The following DPP6 variants were observed in gnomAD, a reference collection of about 807,000 sequenced individuals.
DPP6 encodes the protein dipeptidyl peptidase like 6.
Under a neutral mutation model 122.6 loss-of-function variants are expected in DPP6, and 69 were observed. The ratio of observed to expected loss-of-function variants is 0.56; its 90% CI spans 0.46 to 0.69. The LOEUF is 0.69. Ranked by LOEUF, DPP6 falls within the 30% of genes least tolerant of loss-of-function variation. The pLI, the probability that DPP6 is intolerant of heterozygous loss-of-function variation, is 0.00. For missense variants in DPP6, 928 were observed against 1,116.9 expected (o/e 0.83, Z 2.41); for synonymous variants, 418 against 433.1 (o/e 0.97, Z 0.43).
intron 5 of DPP6, among the ~76,000 whole-genome samples, chr7:154,611,121 C>A (rs537850607): frequency 6.6e-6 from 1 of 152,172 alleles, no homozygotes; most frequent in Non-Finnish European, 1.5e-5. Context: ...CTAATTATAG[C>A]TGTGATGGCC....
chr7:154,670,595 A>G (rs1838495448), intron 7 of DPP6, among the ~76,000 whole-genome samples: 1 of 152,224 alleles, frequency 6.6e-6, no homozygotes, highest in Admixed American at 6.5e-5. Flanking sequence ...AAAGTCCCTC[A>G]GGTTTGAAGG....
At chr7:154,454,994 G>A (rs961886496) in intron 2 of DPP6, among the ~76,000 whole-genome samples, 1 of 152,106 alleles carries the variant, frequency 6.6e-6, no homozygotes, top group Non-Finnish European at 1.5e-5. Flanking sequence ...TGTTTCACAA[G>A]ACAAGTTTAG....
At chr7:153,798,107 G>T in the DPP6 span, among the ~76,000 whole-genome samples, 1,338 of 152,218 alleles carry the variant, frequency 8.8e-3, 24 homozygotes, top group African/African-American at 0.031. Flanking sequence ...CTCCCAAAGT[G>T]CTGGGATTAC....
At chr7:154,575,513 GGTGT>G (rs1263643930) in intron 5 of DPP6, among the ~76,000 whole-genome samples, 2 of 138,962 alleles carry the variant, frequency 1.4e-5, no homozygotes, top group East Asian at 2.4e-4. Flanking sequence ...GTGTGTGTGT[GGTGT>G]GTGTATGTGC....
chr7:154,886,898 G>A (rs114667118), intron 22 of DPP6, among the ~76,000 whole-genome samples: 1,947 of 152,348 alleles, frequency 0.013, 39 homozygotes, highest in African/African-American at 0.044. Context: ...ATTTTAACTC[G>A]TACAGGAACT....
intron 16 of DPP6, among the ~76,000 whole-genome samples, chr7:154,840,242 T>C (rs1801411233): frequency 6.6e-6 from 1 of 152,200 alleles, no homozygotes; most frequent in Admixed American, 6.5e-5. Flanking sequence ...TGGAAGTCGC[T>C]ACCCTCAGGA....
At chr7:154,575,684 GGTGTGTGTA>G (rs1341308929) in intron 5 of DPP6, among the ~76,000 whole-genome samples, 5 of 141,552 alleles carry the variant, frequency 3.5e-5, no homozygotes, top group African/African-American at 1.3e-4. Flanking sequence ...TGGTGTGTGT[GGTGTGTGTA>G]TGTGGTGTTT....
chr7:153,888,705 CTTTTTTTT>C (rs142238331), intron 1 of DPP6, among the ~76,000 whole-genome samples: 10 of 76,984 alleles, frequency 1.3e-4, no homozygotes, highest in African/African-American at 5.0e-4. Flanking sequence ...CTGGCTGGCA[CTTTTTTTT>C]TTTTTTTTTT....
rs1028715125 is a variant in DPP6, at chr7:154,666,731, G to A, written c.681-2629G>A. Reference sequence around the variant, plus strand: ...CTATTCAGCCTTAAAAAAGAAGGATGTACCGTCATTTATTCAACCACATAT... The same window carrying A: ...CTATTCAGCCTTAAAAAAGAAGGATATACCGTCATTTATTCAACCACATAT... On this transcript the variant is annotated intron_variant, in intron 6 of 25. Coordinates refer to ENST00000377770, the MANE Select transcript of DPP6 (RefSeq NM_130797.4). Among the ~76,000 whole-genome samples, 4 of 152,214 alleles carry A rather than the reference G, an allele frequency of 2.6e-5. No individual in the cohort carries two copies. The South Asian group carries it at 8.3e-4, about 32-fold the overall frequency.
intron 6 of DPP6, among the ~76,000 whole-genome samples, chr7:154,665,689 G>A (rs1838103695): frequency 6.6e-6 from 1 of 151,888 alleles, no homozygotes; most frequent in Non-Finnish European, 1.5e-5. Context: ...CCTTCTCAGT[G>A]GACAGACGCA....
chr7:154,604,188 T>C lies in DPP6; in HGVS notation c.628-33633T>C, dbSNP rs141773171. On this transcript the variant is annotated intron_variant, in intron 5 of 25. Coordinates refer to ENST00000377770, the MANE Select transcript of DPP6 (RefSeq NM_130797.4). ...TTTCTCCTACAATAATAGTCAACTC[T>C]TCATCATGAATGTTGCATCATTTCC... Among the ~76,000 whole-genome samples the C allele has an allele frequency of 7.2e-4, 87 of 120,940 alleles. 17 individuals are homozygous for C. Among genetic ancestry groups the C allele is most frequent in the African/African-American group, 2.0e-3 (76 of 38,066 alleles). 79.3% of individuals were successfully genotyped at this position (120,940 alleles called of 152,430 possible). A position where few individuals can be genotyped will look rare whatever the true frequency, so the allele number is the denominator to read the frequency against.
At position 154,727,792 on chromosome 7, in the gene DPP6, A is replaced by G; in HGVS notation, c.788A>G (p.Tyr263Cys). ...ATATTTATTTTTGAAAACAATATCT[A>G]CTACTGTGCACATGTCGGGAAACAG... ...QLIFIFENNI[Y>C]YCAHVGKQAI... The change falls in exon 8 of 26, where the codon TAC (tyrosine) becomes TGC (cysteine). Residue 263 changes from tyrosine (Y) to cysteine (C), a missense_variant. Coordinates refer to ENST00000377770, the MANE Select transcript of DPP6 (RefSeq NM_130797.4). 1 of 1,613,724 alleles carries G rather than the reference A, an allele frequency of 6.2e-7. No homozygotes were observed. The highest frequency in any genetic ancestry group is 8.5e-7 in the Non-Finnish European group (1 of 1,179,732).
chr7:154,703,036 A>ACAT (rs1283959235), intron 7 of DPP6, among the ~76,000 whole-genome samples: 1 of 152,230 alleles, frequency 6.6e-6, no homozygotes, highest in Non-Finnish European at 1.5e-5. Flanking sequence ...AGTGATGTTA[A>ACAT]GTCTACTCCG....
intron 1 of DPP6, among the ~76,000 whole-genome samples, chr7:153,995,721 T>C (rs1024740952): frequency 6.6e-5 from 10 of 152,134 alleles, no homozygotes; most frequent in African/African-American, 2.2e-4. Flanking sequence ...TCGGCATATA[T>C]TGGCATACAG....
intron 1 of DPP6, among the ~76,000 whole-genome samples, chr7:154,152,153 G>A (rs1222850751): frequency 5.3e-5 from 8 of 151,596 alleles, no homozygotes. Flanking sequence ...GTGAGATAAA[G>A]GGGTTGCTGG....
At chr7:153,941,408 G>T (rs924126007) in intron 1 of DPP6, among the ~76,000 whole-genome samples, 1 of 152,186 alleles carries the variant, frequency 6.6e-6, no homozygotes, top group Non-Finnish European at 1.5e-5. Flanking sequence ...GGTGATGTCT[G>T]TAATGAAGCA....
chr7:154,333,721 A>C (rs542180583), intron 1 of DPP6, among the ~76,000 whole-genome samples: 39 of 152,350 alleles, frequency 2.6e-4, no homozygotes, highest in African/African-American at 8.2e-4. Context: ...CAATCTCCTC[A>C]TTCAATTCAA....
chr7:154,732,700 G>A (rs1842397031), intron 8 of DPP6, among the ~76,000 whole-genome samples: 1 of 152,186 alleles, frequency 6.6e-6, no homozygotes, highest in Non-Finnish European at 1.5e-5. Flanking sequence ...GTTTGGCATG[G>A]ATGAAATTCC....
chr7:153,891,288 C>A (rs1026845996), intron 1 of DPP6, among the ~76,000 whole-genome samples: 2 of 151,990 alleles, frequency 1.3e-5, no homozygotes, highest in African/African-American at 2.4e-5. Flanking sequence ...TCCCAAAGTG[C>A]TGGGATTACA....
Sources: allele counts gnomAD v4.1 joint callset (sites outside exome capture counted in the v4.1 genomes callset), GRCh38; gene constraint gnomAD v4.1.1; transcripts MANE v1.5; gene names NCBI Gene and HGNC (gene_info 2026-07-23, HGNC 2026-07-21).